The following COG5 variants were observed in gnomAD, a reference collection of about 807,000 sequenced individuals.
The protein encoded by COG5 is conserved oligomeric Golgi complex subunit 5.
A neutral mutation model predicts 110.4 loss-of-function variants in COG5; 86 were observed. That is an observed-to-expected ratio of 0.78 (90% confidence interval 0.65 to 0.93). The LOEUF (loss-of-function observed/expected upper bound fraction) is 0.93, where lower values mean the gene tolerates loss of function less well. Among genes scored for constraint, COG5 ranks in the 40% least tolerant of loss-of-function variants. The pLI is 0.00. For synonymous variants in COG5, 360 were observed against 334.6 expected (o/e 1.08, Z -0.83); for missense variants, 1,077 against 987.0 (o/e 1.09, Z -1.22).
chr7:107,367,260 C>T (rs1459771425), intron 8 of COG5, among the ~76,000 whole-genome samples: 3 of 151,988 alleles, frequency 2.0e-5, no homozygotes, highest in East Asian at 1.9e-4. Context: ...TCAGAAAGCA[C>T]AGTACCCATA....
At chr7:107,375,082 T>G (rs554272889) in intron 7 of COG5, among the ~76,000 whole-genome samples, 19 of 152,146 alleles carry the variant, frequency 1.2e-4, no homozygotes, top group Non-Finnish European at 2.4e-4. Context: ...CACCAAAAAT[T>G]TATTCTGTTT....
chr7:107,380,124 A>C (rs1334365929), intron 7 of COG5, among the ~76,000 whole-genome samples: 1 of 152,154 alleles, frequency 6.6e-6, no homozygotes, highest in African/African-American at 2.4e-5. Flanking sequence ...AAATTCACTC[A>C]AATTTCTCAC....
chr7:107,391,961 G>A (rs1178050552), intron 7 of COG5, among the ~76,000 whole-genome samples: 3 of 152,056 alleles, frequency 2.0e-5, no homozygotes, highest in Non-Finnish European at 4.4e-5. Flanking sequence ...CATGGTGGCG[G>A]CCACCTGTAG....
intron 6 of COG5, among the ~76,000 whole-genome samples, chr7:107,482,721 AG>A (rs1797425056): frequency 6.6e-6 from 1 of 152,184 alleles, no homozygotes; most frequent in South Asian, 2.1e-4. Context: ...TCTTTAAACA[AG>A]GTTATCTAGA....
intron 10 of COG5, among the ~76,000 whole-genome samples, chr7:107,350,357 C>G (rs921600906): frequency 1.3e-5 from 2 of 152,134 alleles, no homozygotes; most frequent in South Asian, 4.1e-4. Flanking sequence ...TCTTTTATTT[C>G]GACAACTTGA....
chr7:107,400,741 T>C (rs763444082), intron 7 of COG5, among the ~76,000 whole-genome samples: 31 of 152,232 alleles, frequency 2.0e-4, no homozygotes, highest in Non-Finnish European at 4.0e-4. Context: ...CACTGCAAGA[T>C]GGCAATAAAA....
intron 6 of COG5, among the ~76,000 whole-genome samples, chr7:107,430,602 A>G (rs1338094425): frequency 1.3e-5 from 2 of 152,196 alleles, no homozygotes; most frequent in Admixed American, 6.5e-5. Context: ...GGTTGCTTGC[A>G]TTCCAGTATG....
chr7:107,547,830 T>A (rs1464868241), intron 5 of COG5, among the ~76,000 whole-genome samples: 3 of 151,020 alleles, frequency 2.0e-5, no homozygotes, highest in Non-Finnish European at 4.4e-5. Flanking sequence ...ACCAAGGAGG[T>A]GAAGCATCTA....
chr7:107,415,851 C>CACGTATGTATGTGTGTGTATATAT lies in COG5; in HGVS notation c.539-3220_539-3219insATATATACACACACATACATACGT, dbSNP rs1792741125. ...ATGTATGTATGTGTGTGTATATATACACACACATACACGTATGTATGTATG... is the reference window on the plus strand; with the variant it reads ...ATGTATGTATGTGTGTGTATATATACACGTATGTATGTGTGTGTATATATACACACATACACGTATGTATGTATG... On this transcript the variant is annotated intron_variant, in intron 6 of 21. Transcript: ENST00000297135. 8.7e-4 allele frequency among the ~76,000 whole-genome samples: 41 copies of CACGTATGTATGTGTGTGTATATAT among 46,920 alleles called. 2 individuals carry two copies. The highest frequency in any genetic ancestry group is 1.8e-3 in the South Asian group (4 of 2,216). 30.8% of individuals were successfully genotyped at this position (46,920 alleles called of 152,430 possible). A position where few individuals can be genotyped will look rare whatever the true frequency, so the allele number is the denominator to read the frequency against.
chr7:107,341,697 T>G (rs1349430878), intron 10 of COG5, among the ~76,000 whole-genome samples: 1 of 151,990 alleles, frequency 6.6e-6, no homozygotes. Flanking sequence ...TGGAACAGAA[T>G]GGAGAACTCA....
At chr7:107,337,707 T>C (rs1279324920) in intron 10 of COG5, among the ~76,000 whole-genome samples, 1 of 152,094 alleles carries the variant, frequency 6.6e-6, no homozygotes, top group Non-Finnish European at 1.5e-5. Flanking sequence ...AACATACAGT[T>C]AGAAGAAATA....
At chr7:107,351,050 C>CA (rs201843400) in intron 10 of COG5, among the ~76,000 whole-genome samples, 2,856 of 152,254 alleles carry the variant, frequency 0.019, 89 homozygotes, top group African/African-American at 0.064. Flanking sequence ...TGTAGTGACA[C>CA]AGCCTTTAAG....
chr7:107,464,636 T>C (rs986541242), intron 6 of COG5, among the ~76,000 whole-genome samples: 5 of 152,182 alleles, frequency 3.3e-5, no homozygotes, highest in Non-Finnish European at 7.3e-5. Context: ...AAAAATTGTT[T>C]AGGGTCTGGG....
At chr7:107,520,325 G>A (rs769600451) in intron 6 of COG5, among the ~76,000 whole-genome samples, 39 of 152,242 alleles carry the variant, frequency 2.6e-4, no homozygotes, top group Admixed American at 6.5e-4. Context: ...GAAATAAAGC[G>A]TATTCAAATA....
intron 19 of COG5, 54 bp downstream of exon 19, chr7:107,230,561 A>C: frequency 7.5e-7 from 1 of 1,333,726 alleles, no homozygotes; most frequent in South Asian, 1.2e-5. Context: ...CCTGCACAGA[A>C]AGGATTTATT....
At chr7:107,235,583 G>C (rs191715106) in intron 18 of COG5, among the ~76,000 whole-genome samples, 1 of 152,276 alleles carries the variant, frequency 6.6e-6, no homozygotes, top group Non-Finnish European at 1.5e-5. Flanking sequence ...CGTGCCTGTA[G>C]TTCCAGCTAC....
intron 5 of COG5, among the ~76,000 whole-genome samples, chr7:107,537,863 T>C (rs1801706732): frequency 1.3e-5 from 2 of 151,586 alleles, no homozygotes; most frequent in African/African-American, 2.4e-5. Context: ...ATTAGGAAAA[T>C]GCAAATCAAA....
chr7:107,248,501 T>TAAAAAAAAAAAAAAAA lies in COG5; in HGVS notation c.1750-3_1750-2insTTTTTTTTTTTTTTTT. On this transcript the variant is annotated splice_region_variant and splice_polypyrimidine_tract_variant and intron_variant, in intron 16 of 21. Transcript: ENST00000297135. ...ATTTTCCATAAGAGCATGAATAGCC[T>TAAAAAAAAAAAAAAAA]AAAAAAAAAAAAGAAAGAAAAAAAA... is the stretch of plus-strand genomic sequence containing the variant. The TAAAAAAAAAAAAAAAA allele has an allele frequency of 4.7e-6, 6 of 1,268,800 alleles. No homozygotes were observed. Among genetic ancestry groups the TAAAAAAAAAAAAAAAA allele is most frequent in the Middle Eastern group, 1.9e-4 (1 of 5,188 alleles). The allele number at this position is 1,268,800 out of a possible 1,614,324, so 78.6% of individuals were successfully genotyped here. A position where few individuals can be genotyped will look rare whatever the true frequency, so the allele number is the denominator to read the frequency against.
intron 10 of COG5, among the ~76,000 whole-genome samples, chr7:107,361,616 C>T (rs960591110): frequency 7.2e-5 from 11 of 152,182 alleles, no homozygotes; most frequent in African/African-American, 2.7e-4. Flanking sequence ...GGCTGGAGTG[C>T]AGTGGCGTGA....
Sources: allele counts gnomAD v4.1 joint callset (sites outside exome capture counted in the v4.1 genomes callset), GRCh38; gene constraint gnomAD v4.1.1; transcripts MANE v1.5; gene names NCBI Gene and HGNC (gene_info 2026-07-23, HGNC 2026-07-21).